The following CR1L variants were observed in gnomAD, a reference collection of about 807,000 sequenced individuals.
CR1L encodes complement component receptor 1-like protein.
A neutral mutation model predicts 62.3 loss-of-function variants in CR1L; 59 were observed. The ratio of observed to expected loss-of-function variants is 0.95; its 90% CI spans 0.77 to 1.18. The LOEUF (loss-of-function observed/expected upper bound fraction) is 1.18, where lower values mean the gene tolerates loss of function less well. Among genes scored for constraint, CR1L ranks in the 50% most tolerant of loss-of-function variants. The pLI is 0.00. For synonymous variants in CR1L, 279 were observed against 248.7 expected (o/e 1.12, Z -1.15); for missense variants, 700 against 702.8 (o/e 1.00, Z 0.04).
intron 1 of CR1L, 93 bp downstream of exon 1, chr1:207,645,423 G>A: frequency 7.2e-7 from 1 of 1,382,742 alleles, no homozygotes; most frequent in Non-Finnish European, 1.0e-6. Context: ...CTCACTGCAC[G>A]TCGTGCCTGC....
intron 1 of CR1L, among the ~76,000 whole-genome samples, chr1:207,648,262 A>G (rs1453392127): frequency 6.6e-6 from 1 of 151,920 alleles, no homozygotes; most frequent in Non-Finnish European, 1.5e-5. Context: ...GAAGATAATG[A>G]AAGCAATTTG....
At chr1:207,686,865 C>T (rs1157023001) in intron 4 of CR1L, among the ~76,000 whole-genome samples, 2 of 152,132 alleles carry the variant, frequency 1.3e-5, no homozygotes, top group African/African-American at 2.4e-5. Context: ...ATGGGATTAG[C>T]GTCCTAATAA....
intron 11 of CR1L, among the ~76,000 whole-genome samples, chr1:207,722,637 C>G (rs545778008): frequency 3.9e-5 from 6 of 152,114 alleles, no homozygotes; most frequent in Admixed American, 1.3e-4. Context: ...GATAAAGTAC[C>G]CTTTTTTTAA....
chr1:207,702,726 G>T (rs554776170), intron 9 of CR1L, among the ~76,000 whole-genome samples: 56 of 152,308 alleles, frequency 3.7e-4, no homozygotes, highest in African/African-American at 1.3e-3. Context: ...GCCTAATCCT[G>T]AGCAAGGCCC....
At chr1:207,708,303 A>T in intron 10 of CR1L, 40 bp downstream of exon 10, 11 of 1,602,212 alleles carry the variant, frequency 6.9e-6, no homozygotes, top group Non-Finnish European at 9.4e-6. Context: ...CCACCATTTA[A>T]CCCTAGAGTT....
chr1:207,658,454 C>A (rs930329394), intron 1 of CR1L: 8 of 152,232 alleles, frequency 5.3e-5, no homozygotes, highest in African/African-American at 1.7e-4. Context: ...AAGCACGGCA[C>A]CCCAGCCAGC....
intron 7 of CR1L, among the ~76,000 whole-genome samples, chr1:207,698,782 G>A (rs1401639601): frequency 1.3e-5 from 2 of 152,064 alleles, no homozygotes; most frequent in South Asian, 2.1e-4. Flanking sequence ...CTGTTCTCTC[G>A]CCAGCTATTT....
At chr1:207,648,285 A>G (rs1175178573) in intron 1 of CR1L, among the ~76,000 whole-genome samples, 1 of 152,198 alleles carries the variant, frequency 6.6e-6, no homozygotes, top group Non-Finnish European at 1.5e-5. Flanking sequence ...ATAGAGGAAC[A>G]TAGAATTATA....
intron 8 of CR1L, among the ~76,000 whole-genome samples, chr1:207,700,736 A>T (rs11581651): frequency 0.038 from 5,852 of 152,308 alleles, 179 homozygotes; most frequent in South Asian, 0.12. Context: ...TATACATTTG[A>T]GAAATATTTC....
At chr1:207,684,080 T>A in intron 4 of CR1L, 123 bp downstream of exon 4, 2 of 861,436 alleles carry the variant, frequency 2.3e-6, no homozygotes, top group Admixed American at 5.0e-5. Flanking sequence ...AAGACAGCCA[T>A]AATGTTCTCA....
At chr1:207,665,673 G>C (rs56132412) in intron 1 of CR1L, among the ~76,000 whole-genome samples, 1 of 152,146 alleles carries the variant, frequency 6.6e-6, no homozygotes, top group Non-Finnish European at 1.5e-5. Flanking sequence ...GATTACAGGC[G>C]TGAGCCACCA....
intron 1 of CR1L, among the ~76,000 whole-genome samples, chr1:207,656,550 G>A (rs1157719302): frequency 1.3e-5 from 2 of 152,236 alleles, no homozygotes; most frequent in African/African-American, 2.4e-5. Flanking sequence ...TAATTGGCTC[G>A]TGATTCTACA....
intron 1 of CR1L, among the ~76,000 whole-genome samples, chr1:207,653,572 A>C (rs551188013): frequency 3.3e-5 from 5 of 152,212 alleles, no homozygotes; most frequent in Admixed American, 1.3e-4. Context: ...ATGACTCTGT[A>C]AAGTGTGACC....
At chr1:207,706,012 T>C (rs548602550) in intron 9 of CR1L, among the ~76,000 whole-genome samples, 4 of 58,792 alleles carry the variant, frequency 6.8e-5, no homozygotes, top group African/African-American at 9.1e-5. Context: ...TGTGTGTGTA[T>C]GTATATATAT....
intron 10 of CR1L, among the ~76,000 whole-genome samples, chr1:207,715,774 G>A (rs1013589996): frequency 3.3e-5 from 5 of 151,944 alleles, no homozygotes; most frequent in African/African-American, 1.2e-4. Flanking sequence ...ACAGCTCACT[G>A]CAGTTTCAAT....
intron 5 of CR1L, among the ~76,000 whole-genome samples, chr1:207,695,232 TCTC>T (rs1664058842): frequency 2.0e-5 from 3 of 152,154 alleles, no homozygotes; most frequent in Admixed American, 1.3e-4. Context: ...CTCAAGCAAT[TCTC>T]CTGCCTGAGC....
chr1:207,705,507 G>A (rs1478379056), intron 9 of CR1L, among the ~76,000 whole-genome samples: 1 of 152,156 alleles, frequency 6.6e-6, no homozygotes, highest in Non-Finnish European at 1.5e-5. Flanking sequence ...AGTGAGTAGG[G>A]GCTATGTTTG....
intron 11 of CR1L, among the ~76,000 whole-genome samples, chr1:207,721,422 A>C (rs1385796274): frequency 6.9e-5 from 10 of 145,272 alleles, no homozygotes; most frequent in Non-Finnish European, 1.3e-4. Flanking sequence ...ATTCCCACCT[A>C]TGAGTGAGAA....
chr1:207,683,809 T>C, intron 3 of CR1L, 63 bp from the exon 4 acceptor site: 1 of 1,454,350 alleles, frequency 6.9e-7, no homozygotes, highest in East Asian at 2.3e-5. Flanking sequence ...CTGGAAGTAG[T>C]AATTTAATTG....
Sources: gnomAD v4.1 joint callset for allele counts (sites outside exome capture counted in the v4.1 genomes callset) on GRCh38, gnomAD v4.1.1 for gene constraint, MANE v1.5 for transcripts, NCBI Gene and HGNC (gene_info 2026-07-23, HGNC 2026-07-21) for gene names.